L1CAM: variants seen among roughly 807,000 people sequenced by gnomAD.
The protein encoded by L1CAM is neural cell adhesion molecule L1.
In L1CAM, 8 loss-of-function variants were observed where a neutral mutation model predicts 93.0. The ratio of observed to expected loss-of-function variants is 0.09; its 90% CI spans 0.05 to 0.16. The LOEUF is 0.16. L1CAM is among the 10% of genes least tolerant of loss of function. The pLI is 1.00. For missense variants in L1CAM, 777 were observed against 1,073.4 expected, an observed-to-expected ratio of 0.72 and a Z score of 3.86; for synonymous variants, 453 against 453.0, an observed-to-expected ratio of 1.00 and a Z score of 0.00.
intron 1 of L1CAM, among the ~76,000 whole-genome samples, chrX:153,880,514 A>G (rs2064838795): frequency 8.9e-6 from 1 of 111,873 alleles, no homozygotes; most frequent in Non-Finnish European, 1.9e-5. Context: ...GGCACATGAA[A>G]GGGTCAGAGT....
Position 153,862,572 on chromosome X carries a change from T to C in L1CAM, c.*91A>G, listed in dbSNP as rs373852941. The C allele has an allele frequency of 3.8e-5, 28 of 732,362 alleles. No homozygotes were observed. In the East Asian group the frequency reaches 8.0e-4, roughly 21 times the overall value. 60.4% of individuals were successfully genotyped at this position (732,362 alleles called of 1,213,427 possible). ...GGATCCGAGGCAGCAAGTTCTCCTC[T>C]GCCCCAACTCCAGCCTCCCATGGGC... On this transcript the variant is annotated 3_prime_UTR_variant, in exon 29 of 29. Transcript: ENST00000370060.
At chrX:153,883,828 T>TCAC (rs1351861360) in intron 1 of L1CAM, 1 of 341,968 alleles carries the variant, frequency 2.9e-6, no homozygotes, top group Admixed American at 3.1e-5. Flanking sequence ...CGAGGCCGCA[T>TCAC]CACCCTCACA....
rs782544060 is a variant in L1CAM at position 153,870,245 on chromosome X, C to T, written c.807-5G>A. On this transcript the variant is annotated splice_region_variant and splice_polypyrimidine_tract_variant and intron_variant, in intron 8 of 28. Coordinates refer to ENST00000370060, the MANE Select transcript of L1CAM (RefSeq NM_001278116.2). ...CATTTGATGGTGGGCGTGGGACTGC[C>T]CGGGAGGCAAAGGGAAGAGAGCAGA... 3 of 1,208,715 alleles carry T rather than the reference C, an allele frequency of 2.5e-6. No individual in the cohort carries two copies. The highest frequency in any genetic ancestry group is 3.5e-5 in the African/African-American group (2 of 57,417).
Position 153,866,812 on chromosome X carries a change from A to C in L1CAM, c.2268T>G (p.Pro756=), listed in dbSNP as rs1557091036. 8.3e-7 allele frequency: 1 copy of C among 1,211,516 alleles called. No individual in the cohort carries two copies. Among genetic ancestry groups the C allele is most frequent in the Non-Finnish European group, 1.1e-6 (1 of 895,384 alleles). The change falls in exon 19 of 29, where the codon CCT becomes CCG. Residue 756 remains proline (P), a synonymous_variant. Transcript: ENST00000370060. ...CCTGCCAGGGCCCTCGTGTCCCCTGAGGGCGCCACTGCACGCGGTACTGAA... is the reference window on the plus strand; with the variant it reads ...CCTGCCAGGGCCCTCGTGTCCCCTGCGGGCGCCACTGCACGCGGTACTGAA... The part of the protein sequence containing the change: ...PQVQYRVQWR[P]QGTRGPWQEQ...
intron 1 of L1CAM, among the ~76,000 whole-genome samples, chrX:153,881,109 C>T (rs1425023621): frequency 8.9e-6 from 1 of 112,591 alleles, no homozygotes; most frequent in East Asian, 2.8e-4. Context: ...ATTAAATCAA[C>T]TTACAGCGTG....
chrX:153,873,068 A>G (rs1230038092), intron 3 of L1CAM, 160 bp downstream of exon 3: 7 of 559,345 alleles, frequency 1.3e-5, no homozygotes, highest in Non-Finnish European at 2.2e-5. Context: ...GCAGAGACAG[A>G]ACAAAGCCAG....
Position 153,863,891 on chromosome X carries a change from T to C in L1CAM, c.3449A>G (p.Lys1150Arg), listed in dbSNP as rs1391080419. Reference sequence around the variant, plus strand: ...TGGGGCTCAGAGGCTACCTGAGTATTTGCCGCCCTTGCTGCGCTTGATGAA... The same window carrying C: ...TGGGGCTCAGAGGCTACCTGAGTATCTGCCGCCCTTGCTGCGCTTGATGAA... ...LCFIKRSKGG[K>R]YSVKDKEDTQ... Residue 1150 changes from lysine to arginine, a missense_variant, in exon 26 of 29, where the codon AAA becomes AGA. Physicochemically the swap from Lys to Arg is conservative, Grantham distance 26 (BLOSUM62 2). This residue lies in a region of L1CAM where 110 missense variants were observed against 141.7 expected (regional missense o/e 0.78). Coordinates refer to ENST00000370060, the MANE Select transcript of L1CAM (RefSeq NM_001278116.2). 4 of 1,210,935 alleles carry C rather than the reference T, an allele frequency of 3.3e-6. No individual in the cohort carries two copies. The highest frequency in any genetic ancestry group is 4.5e-6 in the Non-Finnish European group (4 of 895,304).
In L1CAM at chrX:153,863,525, A is replaced by T. The variant is rs1557089630; in HGVS notation, c.3482T>A (p.Val1161Glu). Residue 1161 changes from valine to glutamate, a missense_variant, in exon 27 of 29, where the codon GTG (valine) becomes GAG (glutamate). Val to Glu is a moderately radical substitution (Grantham distance 121). Transcript: ENST00000370060. ...YSVKDKEDTQ[V>E]DSEARPMKDE... is the part of the protein sequence containing the mutation. ...TTTCATCGGTCGGGCCTCAGAGTCC[A>T]CCTGGGTGTCCTCCTTATCCTTCAC... 4.1e-6 allele frequency: 5 copies of T among 1,210,774 alleles called. No individual in the cohort carries two copies.
chrX:153,878,132 C>T (rs1243759144), intron 1 of L1CAM, among the ~76,000 whole-genome samples: 2 of 112,569 alleles, frequency 1.8e-5, no homozygotes, highest in Non-Finnish European at 3.8e-5. Flanking sequence ...GCTGAAGTCC[C>T]AGACTAGACG....
At chrX:153,879,272 T>C (rs887403455) in intron 1 of L1CAM, among the ~76,000 whole-genome samples, 1 of 109,443 alleles carries the variant, frequency 9.1e-6, no homozygotes, top group Non-Finnish European at 1.9e-5. Context: ...CTAACCACGA[T>C]GGAGATGGTT....
intron 26 of L1CAM, 47 bp from the exon 27 acceptor site, chrX:153,863,596 C>G: frequency 8.9e-7 from 1 of 1,119,719 alleles, no homozygotes; most frequent in Non-Finnish European, 1.2e-6. Context: ...CCAGCCTGAC[C>G]CGGGGCTCCA....
intron 14 of L1CAM, 52 bp downstream of exon 14, chrX:153,868,250 C>G: frequency 8.3e-7 from 1 of 1,208,337 alleles, no homozygotes; most frequent in Non-Finnish European, 1.1e-6. Flanking sequence ...GCCAAGAGGT[C>G]TGGACTTCCA....
Position 153,868,111 on chromosome X carries a change from T to C in L1CAM, c.1715A>G (p.Glu572Gly), listed in dbSNP as rs146005213. Residue 572 changes from glutamate to glycine, a missense_variant, in exon 15 of 29, where the codon GAG becomes GGG. By Grantham distance (98) the Glu-to-Gly change is moderately conservative. This residue lies in a region of L1CAM where 574 missense variants were observed against 781.0 expected (regional missense o/e 0.73). Transcript: ENST00000370060. The part of the protein sequence containing the change: ...ELGDSDKYFI[E>G]DGRLVIHSLD... ...GCTGTGGATGACCAGGCGCCCATCC[T>C]CTATGAAGTACCTGCGGAGGAGCCG... 1 of 1,208,855 alleles carries C rather than the reference T, an allele frequency of 8.3e-7. No homozygotes were observed. Among genetic ancestry groups the C allele is most frequent in the African/African-American group, 1.8e-5 (1 of 56,932 alleles).
rs782396488 is a variant in L1CAM, at chrX:153,864,924, G to T, written c.2943C>A (p.Thr981=). Residue 981 remains threonine, a synonymous_variant, in exon 23 of 29, where the codon ACC becomes ACA. Transcript: ENST00000370060. ...GGTACCGCAGGTGGGGGCTGAGATC[G>T]GTCAGGTTGTGTGTCCGAAGTTCGG... ...RDPELRTHNL[T]DLSPHLRYRF... The T allele has an allele frequency of 2.5e-6, 3 of 1,211,069 alleles. No homozygotes were observed. The Admixed American group carries it at 6.5e-5, about 26-fold the overall frequency.
At chrX:153,884,343 T>G in intron 1 of L1CAM, 10 of 783,516 alleles carry the variant, frequency 1.3e-5, no homozygotes, top group Non-Finnish European at 1.7e-5. Flanking sequence ...GTCCTCCTGA[T>G]GCTCAGCAGG....
intron 1 of L1CAM, among the ~76,000 whole-genome samples, chrX:153,882,197 C>T (rs1309679777): frequency 9.0e-6 from 1 of 111,674 alleles, no homozygotes; most frequent in African/African-American, 3.3e-5. Flanking sequence ...ACAGGAAGCC[C>T]GGGGGCGGAC....
chrX:153,879,261 G>A (rs782580756), intron 1 of L1CAM, among the ~76,000 whole-genome samples: 4 of 111,400 alleles, frequency 3.6e-5, no homozygotes, highest in South Asian at 3.8e-4. Context: ...GGAAGACAGC[G>A]CTAACCACGA....
chrX:153,883,036 G>A (rs2064853644), intron 1 of L1CAM, among the ~76,000 whole-genome samples: 1 of 111,983 alleles, frequency 8.9e-6, no homozygotes, highest in Admixed American at 9.4e-5. Flanking sequence ...TCTGGCTGCT[G>A]CTCACCAGGC....
At chrX:153,883,837 C>T in intron 1 of L1CAM, 1 of 343,218 alleles carries the variant, frequency 2.9e-6, no homozygotes, top group Non-Finnish European at 5.9e-6. Flanking sequence ...ATCACCCTCA[C>T]ACCCAGAAAA....
Sources: allele counts gnomAD v4.1 joint callset (sites outside exome capture counted in the v4.1 genomes callset), GRCh38; gene constraint gnomAD v4.1.1; regional missense constraint gnomAD v4.1.1; transcripts MANE v1.5; gene names NCBI Gene and HGNC (gene_info 2026-07-23, HGNC 2026-07-21).